Variants in VPS13C observed in about 807,000 individuals in gnomAD.
VPS13C encodes the protein intermembrane lipid transfer protein VPS13C.
In VPS13C, 358 loss-of-function variants were observed where a neutral mutation model predicts 456.8. That is an observed-to-expected ratio of 0.78 (90% CI 0.72 to 0.86). The LOEUF (loss-of-function observed/expected upper bound fraction) is 0.86, where lower values mean the gene tolerates loss of function less well. Among genes scored for constraint, VPS13C ranks in the 40% least tolerant of loss-of-function variants. VPS13C has a pLI of 0.00. For missense variants in VPS13C, 4,818 were observed against 4,385.4 expected (o/e 1.10, Z -2.79); for synonymous variants, 1,578 against 1,486.7 (o/e 1.06, Z -1.41).
chr15:61,956,460 T>A (rs2045001121), intron 37 of VPS13C, among the ~76,000 whole-genome samples: 1 of 151,976 alleles, frequency 6.6e-6, no homozygotes, highest in South Asian at 2.1e-4. Flanking sequence ...CCTGGACATG[T>A]ACCCCCTGAA....
intron 2 of VPS13C, among the ~76,000 whole-genome samples, chr15:62,043,100 C>A (rs1237452467): frequency 2.0e-5 from 3 of 151,764 alleles, no homozygotes; most frequent in African/African-American, 7.3e-5. Flanking sequence ...CAATCTATAA[C>A]AACAGAATCA....
In VPS13C at chr15:61,917,542, G is replaced by T. The variant is rs1567000084; in HGVS notation, c.7854C>A (p.Ser2618Arg). 1 of 1,613,964 alleles carries T rather than the reference G, an allele frequency of 6.2e-7. No individual in the cohort carries two copies. The highest frequency in any genetic ancestry group is 8.5e-7 in the Non-Finnish European group (1 of 1,179,900). ...YISWKEELHR[S>R]REVRCMLQCP... ...ACTGCAACATGCATCTGACTTCCCT[G>T]CTCCTATGAAGTTCTTCCTTCCAGG... The change falls in exon 60 of 85, where the codon AGC (serine) becomes AGA (arginine). Residue 2618 changes from serine (S) to arginine (R), a missense_variant. Coordinates refer to ENST00000644861, the MANE Select transcript of VPS13C (RefSeq NM_020821.3).
rs1201702799 is a variant in VPS13C at position 62,033,498 on chromosome 15, C to A, written c.328G>T (p.Val110Phe). The A allele has an allele frequency of 1.9e-6, 3 of 1,607,818 alleles. No individual in the cohort carries two copies. Among genetic ancestry groups the A allele is most frequent in the Non-Finnish European group, 2.5e-6 (3 of 1,176,682 alleles). The change falls in exon 5 of 85, where the codon GTT becomes TTT. Residue 110 changes from valine to phenylalanine, a missense_variant. Physicochemically the swap from Val to Phe is conservative, Grantham distance 50. Around this residue, in one of 3 missense-constraint regions of VPS13C, gnomAD observed 4,552 missense variants for 4,130.6 expected, o/e 1.10. Transcript: ENST00000644861. ...AVKEEKSLQD[V>F]KQKELSRIEE... ...ATTCGGGATAGCTCTTTCTGTTTAA[C>A]ATCCTGCAAGGATTTTTCTTCTTTT...
chr15:61,887,144 C>T (rs1454240325), intron 67 of VPS13C, among the ~76,000 whole-genome samples: 1 of 151,980 alleles, frequency 6.6e-6, no homozygotes, highest in Non-Finnish European at 1.5e-5. Context: ...CAGAAAATCC[C>T]AAAGAATCAA....
At position 61,929,565 on chromosome 15, in the gene VPS13C, A is replaced by G; in HGVS notation, c.6222T>C (p.Asn2074=). The change falls in exon 51 of 85, where the codon AAT becomes AAC. Residue 2074 remains asparagine, a synonymous_variant. Coordinates refer to ENST00000644861, the MANE Select transcript of VPS13C (RefSeq NM_020821.3). Reference sequence around the variant, plus strand: ...GTAAAATCTGTGTTTCTTTTGCCACATTTTCTGGACTCTGAGGCACAGCTT... The same window carrying G: ...GTAAAATCTGTGTTTCTTTTGCCACGTTTTCTGGACTCTGAGGCACAGCTT... ...FIKAVPQSPE[N]VAKETQILPR... 1 of 1,614,016 alleles carries G rather than the reference A, an allele frequency of 6.2e-7. No homozygotes were observed. The highest frequency in any genetic ancestry group is 8.5e-7 in the Non-Finnish European group (1 of 1,179,984).
At chr15:61,973,651 A>T in intron 25 of VPS13C, 119 bp from the exon 26 acceptor site, 2 of 638,372 alleles carry the variant, frequency 3.1e-6, no homozygotes, top group Non-Finnish European at 5.5e-6. Context: ...ACACATACAC[A>T]CAATATAACA....
intron 63 of VPS13C, among the ~76,000 whole-genome samples, chr15:61,911,215 C>T (rs2043292531): frequency 6.6e-6 from 1 of 152,134 alleles, no homozygotes. Flanking sequence ...GCACACATTC[C>T]CCCATTTGCT....
At chr15:62,034,175 C>A (rs1463695850) in intron 4 of VPS13C, among the ~76,000 whole-genome samples, 1 of 151,444 alleles carries the variant, frequency 6.6e-6, no homozygotes, top group South Asian at 2.1e-4. Context: ...CAATAGAATA[C>A]CATACAGCCT....
chr15:61,869,910 C>A (rs928796521), intron 79 of VPS13C, among the ~76,000 whole-genome samples: 15 of 152,164 alleles, frequency 9.9e-5, no homozygotes, highest in Admixed American at 9.8e-4. Context: ...CTGACACATG[C>A]TCAAGTTTGA....
rs147437613 is a variant in VPS13C, at chr15:61,984,170, T to C, written c.1722-158A>G. On this transcript the variant is annotated intron_variant, in intron 19 of 84. Coordinates refer to ENST00000644861, the MANE Select transcript of VPS13C (RefSeq NM_020821.3). ...TCAACCTCCTTAGCCAGGCATTCAA[T>C]TGCTCACACACAATCTGGTTTGCTG... Among the ~76,000 whole-genome samples, 895 of 152,360 alleles carry C rather than the reference T, an allele frequency of 5.9e-3. 7 individuals are homozygous for C. Among genetic ancestry groups the C allele is most frequent in the African/African-American group, 0.02 (850 of 41,586 alleles).
At chr15:61,926,699 A>G (rs775210392) in intron 52 of VPS13C, among the ~76,000 whole-genome samples, 2 of 152,210 alleles carry the variant, frequency 1.3e-5, no homozygotes, top group African/African-American at 2.4e-5. Context: ...TTTTAATAAC[A>G]GCAGAACACC....
chr15:61,994,869 T>G (rs924515231), intron 16 of VPS13C, among the ~76,000 whole-genome samples: 2 of 152,154 alleles, frequency 1.3e-5, no homozygotes, highest in Admixed American at 6.5e-5. Flanking sequence ...ATTACAGGAG[T>G]GGGCCATCAC....
At chr15:61,927,455 G>C in intron 51 of VPS13C, 135 bp from the exon 52 acceptor site, 1 of 653,138 alleles carries the variant, frequency 1.5e-6, no homozygotes, top group Non-Finnish European at 2.6e-6. Context: ...ATATTAATTG[G>C]TTAATTAATA....
At chr15:61,981,151 A>C (rs2045874026) in intron 22 of VPS13C, among the ~76,000 whole-genome samples, 191 bp downstream of exon 22, 1 of 152,202 alleles carries the variant, frequency 6.6e-6, no homozygotes, top group Non-Finnish European at 1.5e-5. Context: ...CACTACAGAA[A>C]ATTTGGAGGT....
Position 61,915,659 on chromosome 15 carries a change from T to C in VPS13C, c.8419A>G (p.Lys2807Glu), listed in dbSNP as rs375218754. The change falls in exon 61 of 85, where the codon AAG (lysine) becomes GAG (glutamate). Residue 2807 changes from lysine (K) to glutamate (E), a missense_variant. Lys to Glu is a moderately conservative substitution (Grantham distance 56). Coordinates refer to ENST00000644861, the MANE Select transcript of VPS13C (RefSeq NM_020821.3). ...FRDIILFSFKKKNIFTKNKVQ... is the reference protein window; with the variant it reads ...FRDIILFSFKEKNIFTKNKVQ... Reference sequence around the variant, plus strand: ...TTATTTTTAGTAAAAATGTTCTTCTTCTTGAAAGAAAATAAAATAATATCC... The same window carrying C: ...TTATTTTTAGTAAAAATGTTCTTCTCCTTGAAAGAAAATAAAATAATATCC... 76 of 1,599,916 alleles carry C rather than the reference T, an allele frequency of 4.8e-5. No individual in the cohort carries two copies. The African/African-American group carries it at 8.6e-4, about 18-fold the overall frequency.
intron 51 of VPS13C, among the ~76,000 whole-genome samples, chr15:61,927,972 C>A (rs1411234586): frequency 1.4e-5 from 2 of 145,374 alleles, no homozygotes; most frequent in Admixed American, 7.3e-5. Context: ...TGTTCTCACT[C>A]ATAGGTGGGA....
At chr15:61,892,988 G>A (rs2042696823) in intron 66 of VPS13C, among the ~76,000 whole-genome samples, 2 of 152,106 alleles carry the variant, frequency 1.3e-5, no homozygotes, top group South Asian at 2.1e-4. Context: ...AAAATATAGA[G>A]AATAACCTCA....
intron 16 of VPS13C, among the ~76,000 whole-genome samples, chr15:61,993,475 C>G (rs2046287510): frequency 6.6e-6 from 1 of 152,062 alleles, no homozygotes; most frequent in Admixed American, 6.5e-5. Flanking sequence ...CCCCAACATT[C>G]AACTTCCTCC....
chr15:62,013,071 T>C lies in VPS13C; in HGVS notation c.793A>G (p.Met265Val), dbSNP rs1460744374. Reference protein sequence around the residue: ...LSAYWNVNCSMSYQRSREQIL... With the variant: ...LSAYWNVNCSVSYQRSREQIL... Reference sequence around the variant, plus strand: ...TGTTCCCTTGATCTCTGGTAAGACATGCTGCAATTTACATTCCAGTAGGCG... The same window carrying C: ...TGTTCCCTTGATCTCTGGTAAGACACGCTGCAATTTACATTCCAGTAGGCG... The change falls in exon 11 of 85, where the codon ATG becomes GTG. Residue 265 changes from methionine (M) to valine (V), a missense_variant. Physicochemically the swap from Met to Val is conservative, Grantham distance 21. This residue lies in a region of VPS13C where 4,552 missense variants were observed against 4,130.6 expected (regional missense o/e 1.10). Transcript: ENST00000644861. 4.3e-6 allele frequency: 7 copies of C among 1,611,104 alleles called. No individual in the cohort carries two copies. Among genetic ancestry groups the C allele is most frequent in the Non-Finnish European group, 5.9e-6 (7 of 1,178,440 alleles).
Sources: gnomAD v4.1 joint callset for allele counts (sites outside exome capture counted in the v4.1 genomes callset) on GRCh38, gnomAD v4.1.1 for gene constraint, gnomAD v4.1.1 regional missense constraint, MANE v1.5 for transcripts, NCBI Gene and HGNC (gene_info 2026-07-23, HGNC 2026-07-21) for gene names.